The following C9orf43 variants were observed in gnomAD, a reference collection of about 807,000 sequenced individuals.
C9orf43 encodes uncharacterized protein C9orf43.
A neutral mutation model predicts 59.1 loss-of-function variants in C9orf43; 45 were observed. The ratio of observed to expected loss-of-function variants is 0.76; its 90% CI spans 0.60 to 0.98. The LOEUF (loss-of-function observed/expected upper bound fraction) is 0.98, where lower values mean the gene tolerates loss of function less well. C9orf43 is among the 50% of genes least tolerant of loss of function. The pLI is 0.00. For missense variants in C9orf43, 533 were observed against 554.9 expected (o/e 0.96, Z 0.40); for synonymous variants, 203 against 196.8 (o/e 1.03, Z -0.26).
In C9orf43 at chr9:113,413,858, CTCAGAGT is replaced by C; in HGVS notation, c.255_261del (p.Ser87PhefsTer18). On this transcript the variant is annotated frameshift_variant, in exon 3 of 14. Coordinates refer to ENST00000374165, the MANE Select transcript of C9orf43 (RefSeq NM_001278629.2). LOFTEE classifies it high-confidence loss of function. Reference sequence around the variant, plus strand: ...TTTACTAAGGCCCATTCTTTATTGTCTCAGAGTTCAAAGTTTTACTCCAAATTTCATG... The same window carrying C: ...TTTACTAAGGCCCATTCTTTATTGTCTCAAAGTTTTACTCCAAATTTCATG... 6.2e-7 allele frequency: 1 copy of C among 1,612,844 alleles called. No individual in the cohort carries two copies. The highest frequency in any genetic ancestry group is 8.5e-7 in the Non-Finnish European group (1 of 1,179,678).
intron 7 of C9orf43, 88 bp from the exon 8 acceptor site, chr9:113,424,078 C>A: frequency 6.8e-7 from 1 of 1,474,564 alleles, no homozygotes; most frequent in South Asian, 1.4e-5. Context: ...GTGGAAATTT[C>A]TTGGAGCCCT....
At chr9:113,411,935 A>G (rs1285068846) in intron 1 of C9orf43, among the ~76,000 whole-genome samples, 1 of 152,170 alleles carries the variant, frequency 6.6e-6, no homozygotes, top group Non-Finnish European at 1.5e-5. Context: ...TCGGCCTTGC[A>G]AAGTGCTGAG....
Position 113,411,858 on chromosome 9 carries a change from C to T in C9orf43, c.-50+857C>T, listed in dbSNP as rs190152136. Among the ~76,000 whole-genome samples the T allele has an allele frequency of 1.8e-3, 266 of 151,252 alleles. 3 individuals are homozygous for T. Among genetic ancestry groups the T allele is most frequent in the Admixed American group, 0.015 (232 of 15,192 alleles). ...CACCCAGCTAATTTTTTGTATTTTT[C>T]GTAGAGACAGGGTTTCACCATGTTG... On this transcript the variant is annotated intron_variant, in intron 1 of 13. Transcript: ENST00000374165.
At chr9:113,414,594 A>C (rs554517503) in intron 3 of C9orf43, among the ~76,000 whole-genome samples, 1 of 151,948 alleles carries the variant, frequency 6.6e-6, no homozygotes, top group Non-Finnish European at 1.5e-5. Context: ...CCCTCTCCCT[A>C]TGTGTTAACA....
chr9:113,428,987 CT>C, intron 13 of C9orf43, 24 bp downstream of exon 13: 1 of 1,598,554 alleles, frequency 6.3e-7, no homozygotes, highest in African/African-American at 1.3e-5. Flanking sequence ...GTAGAGGAAC[CT>C]TAGTAAGTGA....
intron 11 of C9orf43, 97 bp downstream of exon 11, chr9:113,425,827 C>A: frequency 1.0e-6 from 1 of 982,762 alleles, no homozygotes; most frequent in Non-Finnish European, 1.6e-6. Context: ...CATTTTGAGA[C>A]CTGCCTTTGT....
chr9:113,428,467 CTCATGAAAGCAGTT>C (rs368411943), intron 12 of C9orf43, among the ~76,000 whole-genome samples: 2,286 of 152,196 alleles, frequency 0.015, 61 homozygotes, highest in African/African-American at 0.052. Context: ...GCATAGTAGT[CTCATGAAAGCAGTT>C]TCATGAAAGC....
At chr9:113,423,854 A>C (rs1324263329) in intron 7 of C9orf43, among the ~76,000 whole-genome samples, 1 of 152,188 alleles carries the variant, frequency 6.6e-6, no homozygotes, top group Non-Finnish European at 1.5e-5. Context: ...TTGAAACTTA[A>C]CTGGCTATAT....
intron 4 of C9orf43, among the ~76,000 whole-genome samples, chr9:113,419,995 T>C (rs1828506700): frequency 6.6e-6 from 1 of 152,224 alleles, no homozygotes; most frequent in South Asian, 2.1e-4. Flanking sequence ...TATAAGGAAC[T>C]GAGATGGTAG....
chr9:113,414,916 C>CT (rs1167496278), intron 3 of C9orf43, among the ~76,000 whole-genome samples: 3 of 152,188 alleles, frequency 2.0e-5, no homozygotes, highest in Admixed American at 1.3e-4. Flanking sequence ...GGCACGACCT[C>CT]TGTCTCCCAG....
chr9:113,427,258 C>T (rs999769699), intron 11 of C9orf43, among the ~76,000 whole-genome samples: 2 of 151,026 alleles, frequency 1.3e-5, no homozygotes, highest in Non-Finnish European at 3.0e-5. Context: ...CAACCTCTGC[C>T]TTCTGGGTCC....
In C9orf43 at chr9:113,425,027, A is replaced by T. The variant is rs963575833; in HGVS notation, c.816A>T (p.Ala272=). Residue 272 remains alanine, a synonymous_variant, in exon 9 of 14, where the codon GCA becomes GCT. Transcript: ENST00000374165. ...SIHRLTLERP[A]LRYPERLKKL... is the part of the protein sequence containing the mutation. Reference sequence around the variant, plus strand: ...CTTTTTTCTTTCTCCAGAGACCAGCACTGCGATATCCTGAACGTTTGAAGA... The same window carrying T: ...CTTTTTTCTTTCTCCAGAGACCAGCTCTGCGATATCCTGAACGTTTGAAGA... 5.0e-6 allele frequency: 8 copies of T among 1,612,072 alleles called. No individual in the cohort carries two copies. The highest frequency in any genetic ancestry group is 6.8e-6 in the Non-Finnish European group (8 of 1,179,898).
chr9:113,412,862 T>C (rs745477534), intron 1 of C9orf43, among the ~76,000 whole-genome samples: 2 of 152,248 alleles, frequency 1.3e-5, no homozygotes, highest in Non-Finnish European at 2.9e-5. Context: ...TAGCAGTGTC[T>C]AGTGATTTGC....
At chr9:113,428,776 C>A in intron 12 of C9orf43, 124 bp from the exon 13 acceptor site, 3 of 812,444 alleles carry the variant, frequency 3.7e-6, no homozygotes, top group South Asian at 1.5e-5. Flanking sequence ...TCTCTTCAGT[C>A]CCAAGAGGTG....
intron 11 of C9orf43, among the ~76,000 whole-genome samples, chr9:113,426,064 AG>A (rs1219834585): frequency 1.3e-5 from 2 of 152,218 alleles, no homozygotes; most frequent in African/African-American, 4.8e-5. Flanking sequence ...GTTACTGAAG[AG>A]AAAACCCTGA....
chr9:113,428,014 C>G (rs1289654698), intron 11 of C9orf43, 133 bp from the exon 12 acceptor site: 4 of 798,446 alleles, frequency 5.0e-6, no homozygotes, highest in Non-Finnish European at 6.5e-6. Context: ...GTCTAACTAC[C>G]TTTTACCTGC....
At chr9:113,424,409 C>G in intron 8 of C9orf43, 93 bp downstream of exon 8, 2 of 1,360,800 alleles carry the variant, frequency 1.5e-6, no homozygotes. Flanking sequence ...TATTCCTTAT[C>G]TCCCTTCTGC....
At chr9:113,425,783 A>G in intron 11 of C9orf43, 53 bp downstream of exon 11, 1 of 1,399,886 alleles carries the variant, frequency 7.1e-7, no homozygotes, top group East Asian at 2.3e-5. Flanking sequence ...AGGGGTAGGT[A>G]TCTGAGGGCA....
rs1334824684 is a variant in C9orf43, at chr9:113,410,882, T to C, written c.-169T>C. 5.4e-6 allele frequency: 5 copies of C among 931,868 alleles called. No individual in the cohort carries two copies. The highest frequency in any genetic ancestry group is 6.4e-6 in the Non-Finnish European group (5 of 780,404). The allele number at this position is 931,868 out of a possible 1,614,324, so 57.7% of individuals were successfully genotyped here. ...GCTCTCACAGGACCTCAGCCCGTCG[T>C]GATCAGATTCTCCCACTTTCTTTTT... On this transcript the variant is annotated 5_prime_UTR_variant, in exon 1 of 14. Transcript: ENST00000374165.
Sources: gnomAD v4.1 joint callset for allele counts (sites outside exome capture counted in the v4.1 genomes callset) on GRCh38, gnomAD v4.1.1 for gene constraint, MANE v1.5 for transcripts, NCBI Gene and HGNC (gene_info 2026-07-23, HGNC 2026-07-21) for gene names.